DNAH6: variants seen among roughly 807,000 people sequenced by gnomAD.
DNAH6 encodes axonemal beta dynein heavy chain 6.
In DNAH6, 340 loss-of-function variants were observed where a neutral mutation model predicts 491.4. The ratio of observed to expected loss-of-function variants is 0.69; its 90% CI spans 0.63 to 0.76. DNAH6 has a LOEUF of 0.76. DNAH6 is among the 30% of genes least tolerant of loss of function. DNAH6 has a pLI of 0.00. For missense variants in DNAH6, 4,443 were observed against 4,972.2 expected, an observed-to-expected ratio of 0.89 and a Z score of 3.20; for synonymous variants, 1,603 against 1,686.1, an observed-to-expected ratio of 0.95 and a Z score of 1.21.
intron 74 of DNAH6, among the ~76,000 whole-genome samples, chr2:84,813,580 T>C (rs930501789): frequency 2.0e-5 from 3 of 152,200 alleles, no homozygotes; most frequent in Non-Finnish European, 4.4e-5. Flanking sequence ...CAATGCTAAT[T>C]ACCCAAGCCC....
chr2:84,709,282 A>T, intron 54 of DNAH6, 61 bp from the exon 55 acceptor site: 1 of 1,512,588 alleles, frequency 6.6e-7, no homozygotes, highest in South Asian at 1.2e-5. Flanking sequence ...CACATTTTGC[A>T]TGTGCCCTCG....
At chr2:84,517,109 G>T (rs1048336677) in intron 1 of DNAH6, among the ~76,000 whole-genome samples, 1 of 152,072 alleles carries the variant, frequency 6.6e-6, no homozygotes, top group African/African-American at 2.4e-5. Context: ...ACCTAGGTCT[G>T]CCGACACCTG....
the DNAH6 span, among the ~76,000 whole-genome samples, chr2:84,499,091 T>C: frequency 6.6e-6 from 1 of 152,184 alleles, no homozygotes; most frequent in African/African-American, 2.4e-5. Context: ...ATTAAGTTAT[T>C]ACTGATTATA....
chr2:84,721,060 G>C (rs1428331028), intron 59 of DNAH6, among the ~76,000 whole-genome samples: 3 of 152,138 alleles, frequency 2.0e-5, no homozygotes, highest in African/African-American at 7.2e-5. Context: ...CAAGCCTGTA[G>C]GGCATAATGT....
At chr2:84,470,999 T>A in the DNAH6 span, among the ~76,000 whole-genome samples, 1 of 152,070 alleles carries the variant, frequency 6.6e-6, no homozygotes. Context: ...TGTGACAGTT[T>A]AGCATTTATA....
chr2:84,679,398 T>C (rs1558898186), intron 41 of DNAH6, among the ~76,000 whole-genome samples: 2 of 152,216 alleles, frequency 1.3e-5, no homozygotes, highest in African/African-American at 4.8e-5. Flanking sequence ...TTACTGGAAA[T>C]TTATGTGCCA....
At chr2:84,493,117 A>G in the DNAH6 span, among the ~76,000 whole-genome samples, 18 of 152,130 alleles carry the variant, frequency 1.2e-4, no homozygotes, top group Non-Finnish European at 2.2e-4. Context: ...TTAAAGGGGC[A>G]TGGCTATGAT....
At chr2:84,487,793 C>T in the DNAH6 span, among the ~76,000 whole-genome samples, 528 of 152,256 alleles carry the variant, frequency 3.5e-3, 4 homozygotes, top group Non-Finnish European at 2.8e-3. Context: ...TCCAGGTCAG[C>T]GGGAGACCTG....
the DNAH6 span, among the ~76,000 whole-genome samples, chr2:84,508,442 T>C: frequency 6.6e-6 from 1 of 152,212 alleles, no homozygotes; most frequent in Non-Finnish European, 1.5e-5. Flanking sequence ...ATTGCGTCTA[T>C]TTGATTCTTT....
In DNAH6 at chr2:84,607,006, G is replaced by T; in HGVS notation, c.3205G>T (p.Ala1069Ser). 1.9e-6 allele frequency: 3 copies of T among 1,551,246 alleles called. No individual in the cohort carries two copies. The South Asian group carries it at 3.6e-5, about 18-fold the overall frequency. The stretch of plus-strand genomic sequence containing the variant: ...TCTTGATGATAGCACCATCAATGTT[G>T]CAACTCTTGCCTCATCACGTTACCT... ...VLLDDSTINV[A>S]TLASSRYLGP... Residue 1069 changes from alanine to serine, a missense_variant, in exon 21 of 77, where the codon GCA (alanine) becomes TCA (serine). This residue lies in a region of DNAH6 where 2,977 missense variants were observed against 3,296.6 expected (regional missense o/e 0.90). Transcript: ENST00000389394.
At chr2:84,503,317 G>A in the DNAH6 span, among the ~76,000 whole-genome samples, 1 of 152,040 alleles carries the variant, frequency 6.6e-6, no homozygotes, top group Non-Finnish European at 1.5e-5. Context: ...TAAACTTTTT[G>A]TTGTTTCTAG....
rs1300721883 is a variant in DNAH6 at position 84,810,883 on chromosome 2, CT to C, written c.11740-1457del. Among the ~76,000 whole-genome samples, 4 of 152,342 alleles carry C rather than the reference CT, an allele frequency of 2.6e-5. No homozygotes were observed. The East Asian group carries it at 7.7e-4, about 29-fold the overall frequency. ...TGGCTGCCTCCTTTGGGAGAATCGA[CT>C]GCAACATGACCTCTTTCTATTTTAA... On this transcript the variant is annotated intron_variant, in intron 72 of 76. Coordinates refer to ENST00000389394, the MANE Select transcript of DNAH6 (RefSeq NM_001370.2).
At chr2:84,473,808 A>G in the DNAH6 span, among the ~76,000 whole-genome samples, 1,683 of 152,228 alleles carry the variant, frequency 0.011, 29 homozygotes, top group African/African-American at 0.039. Context: ...GCTATAATTA[A>G]CCCTGTCATA....
At chr2:84,610,788 C>G (rs1686248612) in intron 21 of DNAH6, among the ~76,000 whole-genome samples, 1 of 152,210 alleles carries the variant, frequency 6.6e-6, no homozygotes, top group Non-Finnish European at 1.5e-5. Flanking sequence ...TCTTCTTCAA[C>G]AAACCACATT....
At chr2:84,652,795 AT>A (rs1418324411) in intron 33 of DNAH6, among the ~76,000 whole-genome samples, 7 of 151,800 alleles carry the variant, frequency 4.6e-5, no homozygotes, top group South Asian at 4.1e-4. Context: ...AAATAGTCAC[AT>A]TTTTCCTTCC....
chr2:84,691,875 G>A (rs1346032077), intron 45 of DNAH6, among the ~76,000 whole-genome samples: 2 of 152,166 alleles, frequency 1.3e-5, no homozygotes, highest in Non-Finnish European at 2.9e-5. Flanking sequence ...TTGGCCCACA[G>A]GCCATAGTTT....
intron 4 of DNAH6, among the ~76,000 whole-genome samples, chr2:84,531,811 A>G (rs1677201562): frequency 6.6e-6 from 1 of 152,002 alleles, no homozygotes; most frequent in South Asian, 2.1e-4. Context: ...TTAACATATA[A>G]TGTAATTTAA....
intron 76 of DNAH6, 52 bp from the exon 77 acceptor site, chr2:84,819,253 G>A: frequency 3.1e-6 from 4 of 1,290,504 alleles, no homozygotes; most frequent in Non-Finnish European, 4.3e-6. Context: ...CTCTTTGTAT[G>A]AGGAAGTTAT....
At chr2:84,732,100 G>A (rs966590150) in intron 61 of DNAH6, among the ~76,000 whole-genome samples, 6 of 152,082 alleles carry the variant, frequency 3.9e-5, no homozygotes, top group Admixed American at 3.9e-4. Flanking sequence ...GGGGTGTGGG[G>A]AGCCTCCACT....
Sources: allele counts gnomAD v4.1 joint callset (sites outside exome capture counted in the v4.1 genomes callset), GRCh38; gene constraint gnomAD v4.1.1; regional missense constraint gnomAD v4.1.1; transcripts MANE v1.5; gene names NCBI Gene and HGNC (gene_info 2026-07-23, HGNC 2026-07-21).